ZSWIM5: variants seen among roughly 807,000 people sequenced by gnomAD.
The protein encoded by ZSWIM5 is zinc finger SWIM domain-containing protein 5.
In ZSWIM5, 55 loss-of-function variants were observed where a neutral mutation model predicts 119.6. The observed-to-expected ratio is 0.46, with a 90% CI of 0.37 to 0.58. ZSWIM5 has a LOEUF of 0.58. Ranked by LOEUF, ZSWIM5 falls within the 20% of genes least tolerant of loss-of-function variation. The probability of loss-of-function intolerance (pLI) is 0.00; values close to 1 mark genes in which losing one functional copy is unlikely to be tolerated. For synonymous variants in ZSWIM5, 537 were observed against 606.9 expected (o/e 0.88, Z 1.69); for missense variants, 1,193 against 1,512.8 (o/e 0.79, Z 3.51).
chr1:45,137,267 T>C (rs369257077), intron 1 of ZSWIM5, among the ~76,000 whole-genome samples: 2 of 152,130 alleles, frequency 1.3e-5, no homozygotes, highest in African/African-American at 4.8e-5. Context: ...CAGGCTAGTT[T>C]TGAACTCCTG....
At chr1:45,020,819 A>G (rs766486552) in intron 11 of ZSWIM5, 31 bp from the exon 12 acceptor site, 3 of 1,602,928 alleles carry the variant, frequency 1.9e-6, no homozygotes, top group African/African-American at 1.3e-5. Context: ...GGCAGGGTCT[A>G]TTTTAAAGTT....
chr1:45,189,125 AC>A (rs1646076112), intron 1 of ZSWIM5, among the ~76,000 whole-genome samples: 1 of 151,988 alleles, frequency 6.6e-6, no homozygotes, highest in Admixed American at 6.6e-5. Context: ...GACCAGCCTG[AC>A]CAACATGGAA....
rs191572788 is a variant in ZSWIM5, at chr1:45,019,669, G to T, written c.2696-353C>A. On this transcript the variant is annotated intron_variant, in intron 13 of 13. Transcript: ENST00000359600. This position sits in a 1 kb window ranked among gnomAD's most constrained non-coding sequence, Gnocchi z 5.0. Reference sequence around the variant, plus strand: ...GTGGGGCCTCTCAGGGTAGAGTCTTGTGCTGGGGCTTTGGGCTTTAGAAAG... The same window carrying T: ...GTGGGGCCTCTCAGGGTAGAGTCTTTTGCTGGGGCTTTGGGCTTTAGAAAG... Among the ~76,000 whole-genome samples the T allele has an allele frequency of 6.6e-6, 1 of 152,164 alleles. No homozygotes were observed. Among genetic ancestry groups the T allele is most frequent in the African/African-American group, 2.4e-5 (1 of 41,430 alleles).
Position 45,164,488 on chromosome 1 carries a change from A to T in ZSWIM5, c.595+41268T>A, listed in dbSNP as rs915654007. ...CATAACAATATTAACATTAAATGTAAATGGGCTAAATGCTCCAATTAAAAG... is the reference window on the plus strand; with the variant it reads ...CATAACAATATTAACATTAAATGTATATGGGCTAAATGCTCCAATTAAAAG... On this transcript the variant is annotated intron_variant, in intron 1 of 13. Coordinates refer to ENST00000359600, the MANE Select transcript of ZSWIM5 (RefSeq NM_020883.2). 2.4e-4 allele frequency among the ~76,000 whole-genome samples: 36 copies of T among 152,154 alleles called. 3 individuals carry two copies. Among genetic ancestry groups the T allele is most frequent in the Non-Finnish European group, 5.1e-4 (35 of 68,000 alleles).
At chr1:45,202,118 T>C (rs1397143562) in intron 1 of ZSWIM5, among the ~76,000 whole-genome samples, 1 of 152,146 alleles carries the variant, frequency 6.6e-6, no homozygotes, top group African/African-American at 2.4e-5. Context: ...AGCTGCCTTC[T>C]GTGATGGAAT....
chr1:45,129,799 AATG>A (rs1326618099), intron 1 of ZSWIM5, among the ~76,000 whole-genome samples: 1 of 152,230 alleles, frequency 6.6e-6, no homozygotes, highest in Non-Finnish European at 1.5e-5. Context: ...CCACAGATTA[AATG>A]TAAAGTTATA....
At chr1:45,193,612 G>T (rs894790271) in intron 1 of ZSWIM5, among the ~76,000 whole-genome samples, 6 of 152,072 alleles carry the variant, frequency 3.9e-5, no homozygotes, top group Non-Finnish European at 8.8e-5. Flanking sequence ...ACCTTTAAGA[G>T]ATCAATTTTA....
At chr1:45,074,228 C>CA (rs920817964) in intron 2 of ZSWIM5, among the ~76,000 whole-genome samples, 1 of 151,878 alleles carries the variant, frequency 6.6e-6, no homozygotes, top group Non-Finnish European at 1.5e-5. Flanking sequence ...GTTTTGGTAT[C>CA]AGGGTAATAT....
chr1:45,066,167 C>T (rs532008730), intron 2 of ZSWIM5, among the ~76,000 whole-genome samples: 1 of 151,930 alleles, frequency 6.6e-6, no homozygotes, highest in African/African-American at 2.4e-5. Context: ...CCAGTTTCAT[C>T]CATGTCCCTA....
At chr1:45,068,107 C>CT (rs71040545) in intron 2 of ZSWIM5, among the ~76,000 whole-genome samples, 90,182 of 113,638 alleles carry the variant, frequency 0.79, 35,413 homozygotes, top group South Asian at 0.89. Context: ...TTTTTTTTTT[C>CT]TTTTTTTTTT....
chr1:45,185,575 T>C (rs1421102011), intron 1 of ZSWIM5, among the ~76,000 whole-genome samples: 17 of 151,156 alleles, frequency 1.1e-4, no homozygotes, highest in Non-Finnish European at 2.1e-4. Flanking sequence ...AACAACCCCA[T>C]CAAAAAGTGG....
At position 45,044,798 on chromosome 1, in the gene ZSWIM5, T is replaced by A. The variant is rs1240171023; in HGVS notation, c.1433-1403A>T. On this transcript the variant is annotated intron_variant, in intron 5 of 13. Coordinates refer to ENST00000359600, the MANE Select transcript of ZSWIM5 (RefSeq NM_020883.2). Reference sequence around the variant, plus strand: ...ATAAATATATATATATAAATATATATATATAAATATATATATATATATAAA... The same window carrying A: ...ATAAATATATATATATAAATATATAAATATAAATATATATATATATATAAA... 6.1e-4 allele frequency among the ~76,000 whole-genome samples: 4 copies of A among 6,528 alleles called. 1 individual carries two copies. The highest frequency in any genetic ancestry group is 4.5e-3 in the Admixed American group (1 of 222). 4.3% of individuals were successfully genotyped at this position (6,528 alleles called of 152,430 possible).
intron 1 of ZSWIM5, among the ~76,000 whole-genome samples, chr1:45,096,767 G>A (rs974038028): frequency 3.3e-5 from 5 of 152,146 alleles, no homozygotes; most frequent in Non-Finnish European, 5.9e-5. Context: ...TACCTGACCT[G>A]TAGATTGTTT....
intron 1 of ZSWIM5, among the ~76,000 whole-genome samples, chr1:45,192,010 AATCAC>A (rs1302144131): frequency 6.6e-6 from 1 of 152,160 alleles, no homozygotes; most frequent in Non-Finnish European, 1.5e-5. Flanking sequence ...ACCCATTAGT[AATCAC>A]TCCCCTTACT....
chr1:45,147,989 T>C (rs552610735), intron 1 of ZSWIM5, among the ~76,000 whole-genome samples: 29 of 152,110 alleles, frequency 1.9e-4, no homozygotes, highest in South Asian at 6.2e-4. Context: ...GGTGAAGGGA[T>C]TGTAATCAAA....
intron 5 of ZSWIM5, among the ~76,000 whole-genome samples, chr1:45,043,661 G>T (rs1336186088): frequency 6.6e-6 from 1 of 152,042 alleles, no homozygotes; most frequent in African/African-American, 2.4e-5. Context: ...GAGATCTATG[G>T]CTTACTTCCT....
intron 2 of ZSWIM5, among the ~76,000 whole-genome samples, chr1:45,069,736 A>C (rs888664553): frequency 6.6e-6 from 1 of 152,240 alleles, no homozygotes; most frequent in African/African-American, 2.4e-5. Context: ...AATGCCACTC[A>C]ACATCGCTGG....
chr1:45,139,401 T>A (rs1570141533), intron 1 of ZSWIM5, among the ~76,000 whole-genome samples: 1 of 135,106 alleles, frequency 7.4e-6, no homozygotes, highest in Non-Finnish European at 1.6e-5. Flanking sequence ...CCTCCCTCCC[T>A]CTCTCTCTCT....
At chr1:45,193,938 G>GTATATATATATATATATATATATATA (rs112350029) in intron 1 of ZSWIM5, among the ~76,000 whole-genome samples, 29 of 146,260 alleles carry the variant, frequency 2.0e-4, no homozygotes, top group Admixed American at 8.9e-4. Context: ...GTGCATATGT[G>GTATATATATATATATATATATATATA]TATATATATA....
Sources: gnomAD v4.1 joint callset for allele counts (sites outside exome capture counted in the v4.1 genomes callset) on GRCh38, gnomAD v4.1.1 for gene constraint, Gnocchi (gnomAD v3.1) non-coding constraint, MANE v1.5 for transcripts, NCBI Gene and HGNC (gene_info 2026-07-23, HGNC 2026-07-21) for gene names.